Variants in RALGDS observed in about 807,000 individuals in gnomAD.
The protein encoded by RALGDS is ral guanine nucleotide dissociation stimulator.
RALGDS carries 44 observed loss-of-function variants against 99.8 expected under a neutral mutation model. The ratio of observed to expected loss-of-function variants is 0.44; its 90% CI spans 0.35 to 0.57. The LOEUF (loss-of-function observed/expected upper bound fraction) is 0.57, where lower values mean the gene tolerates loss of function less well. RALGDS is among the 20% of genes least tolerant of loss of function. The pLI is 0.01. For synonymous variants in RALGDS, 529 were observed against 505.0 expected (o/e 1.05, Z -0.64); for missense variants, 1,022 against 1,203.1 (o/e 0.85, Z 2.23).
chr9:133,102,758 C>T (rs1225772325), intron 13 of RALGDS, 21 bp downstream of exon 13: 1 of 1,608,966 alleles, frequency 6.2e-7, no homozygotes, highest in Non-Finnish European at 8.5e-7. Context: ...CCACTGTCCC[C>T]ATTTGCTGCC....
chr9:133,131,241 C>T, upstream of RALGDS: 1 of 798,124 alleles, frequency 1.3e-6, no homozygotes, highest in Non-Finnish European at 1.5e-6. Flanking sequence ...CTCTGCCACC[C>T]TCAGGGTGGA....
intron 1 of RALGDS, among the ~76,000 whole-genome samples, chr9:133,145,251 C>T (rs1832602689): frequency 6.6e-6 from 1 of 152,198 alleles, no homozygotes; most frequent in Non-Finnish European, 1.5e-5. Flanking sequence ...TCTGTGCCAT[C>T]ACCACACCTC....
At chr9:133,133,952 G>A (rs1007361587), upstream of RALGDS, among the ~76,000 whole-genome samples, 4 of 152,184 alleles carry the variant, frequency 2.6e-5, no homozygotes, top group Non-Finnish European at 4.4e-5. Flanking sequence ...CTGTTTACTC[G>A]GCACCACATC....
intron 1 of RALGDS, among the ~76,000 whole-genome samples, chr9:133,120,429 C>CCCA (rs1831866770): frequency 1.5e-5 from 1 of 65,758 alleles, no homozygotes; most frequent in Non-Finnish European, 3.6e-5. Flanking sequence ...CATCCCCCGA[C>CCCA]CCCCCCCCCA....
At chr9:133,143,768 TAATAAC>T (rs1370857969) in intron 1 of RALGDS, among the ~76,000 whole-genome samples, 22 of 102,444 alleles carry the variant, frequency 2.1e-4, no homozygotes, top group African/African-American at 1.2e-3. Flanking sequence ...ATAATAATAA[TAATAAC>T]AACAACAACA....
chr9:133,111,376 G>C (rs1474178170), intron 2 of RALGDS, among the ~76,000 whole-genome samples: 3 of 152,136 alleles, frequency 2.0e-5, no homozygotes, highest in Non-Finnish European at 4.4e-5. Flanking sequence ...AGCCTCCTGG[G>C]CTGAAGCAAT....
chr9:133,121,252 G>A (rs1415409053), upstream of RALGDS: 5 of 984,212 alleles, frequency 5.1e-6, no homozygotes, highest in Admixed American at 6.2e-5. Context: ...TGAGCCCGCG[G>A]CCCGGCCCTG....
At chr9:133,115,162 G>A (rs1014246682) in intron 1 of RALGDS, among the ~76,000 whole-genome samples, 8 of 152,260 alleles carry the variant, frequency 5.3e-5, no homozygotes, top group Non-Finnish European at 7.4e-5. Context: ...CCATCTCCCC[G>A]CTCAGGCCAA....
intron 1 of RALGDS, among the ~76,000 whole-genome samples, chr9:133,136,193 T>C (rs1413856172): frequency 1.3e-5 from 2 of 152,144 alleles, no homozygotes; most frequent in African/African-American, 4.8e-5. Context: ...ATAAGTAAAA[T>C]GCATTTTTGA....
At chr9:133,131,565 CCT>C (rs1832334773), upstream of RALGDS, among the ~76,000 whole-genome samples, 1 of 152,090 alleles carries the variant, frequency 6.6e-6, no homozygotes, top group Non-Finnish European at 1.5e-5. Flanking sequence ...CTCCAACACC[CCT>C]GTCTTAATGC....
rs368539970 is a variant in RALGDS, at chr9:133,110,436, C to T, written c.348G>A (p.Val116=). ...CCAGCTTCTCCAGCGTGCCAGCCTT[C>T]ACGGTCCGCACCTTGCAAGTCTCAT... The part of the protein sequence containing the change: ...NLYETCKVRT[V]KAGTLEKLVE... The change falls in exon 3 of 18, where the codon GTG becomes GTA. Residue 116 remains valine, a synonymous_variant. Transcript: ENST00000372050. 1.2e-5 allele frequency: 19 copies of T among 1,613,554 alleles called. No individual in the cohort carries two copies. In the African/African-American group the frequency reaches 2.0e-4, roughly 17 times the overall value.
rs138800723 is a variant in RALGDS, at chr9:133,113,724, C to T, written c.184-1572G>A. Among the ~76,000 whole-genome samples, 587 of 152,342 alleles carry T rather than the reference C, an allele frequency of 3.9e-3. 6 individuals carry two copies. The highest frequency in any genetic ancestry group is 0.014 in the African/African-American group (572 of 41,574). On this transcript the variant is annotated intron_variant, in intron 1 of 17. Coordinates refer to ENST00000372050, the MANE Select transcript of RALGDS (RefSeq NM_006266.4). ...ACAGCGACCAGGGCCCCCAACCACC[C>T]GGGCCTCCTCAGGGGTCCCAGACTG...
At position 133,101,673 on chromosome 9, in the gene RALGDS, C is replaced by G. The variant is rs375145110; in HGVS notation, c.2301G>C (p.Thr767=). Residue 767 remains threonine (T), a synonymous_variant, in exon 16 of 18, where the codon ACG becomes ACC. Transcript: ENST00000372050. ...TGTGGGTGCGTGTGGCAGCCACGGGCGTGGTGGAGGCTGAGGAGGACGAGG... is the reference window on the plus strand; with the variant it reads ...TGTGGGTGCGTGTGGCAGCCACGGGGGTGGTGGAGGCTGAGGAGGACGAGG... ...SSTSSSSAST[T]PVAATRTHKR... 3 of 1,613,892 alleles carry G rather than the reference C, an allele frequency of 1.9e-6. No homozygotes were observed. The highest frequency in any genetic ancestry group is 2.5e-6 in the Non-Finnish European group (3 of 1,179,998).
At chr9:133,124,255 GAC>G (rs1392349740), upstream of RALGDS, among the ~76,000 whole-genome samples, 1 of 151,432 alleles carries the variant, frequency 6.6e-6, no homozygotes, top group Non-Finnish European at 1.5e-5. Flanking sequence ...CAGACACAGA[GAC>G]ACAGACGCAC....
chr9:133,105,808 CACCG>C (rs1830990912), intron 9 of RALGDS, 120 bp downstream of exon 9: 1 of 609,936 alleles, frequency 1.6e-6, no homozygotes, highest in African/African-American at 2.2e-5. Flanking sequence ...AAGCGAATGC[CACCG>C]CCCGCCGCCC....
chr9:133,132,357 G>A (rs117266072), upstream of RALGDS, among the ~76,000 whole-genome samples: 279 of 152,216 alleles, frequency 1.8e-3, 1 homozygote, highest in African/African-American at 6.4e-3. Flanking sequence ...CCCCAGCCTC[G>A]GCCTCTCACC....
upstream of RALGDS, among the ~76,000 whole-genome samples, chr9:133,134,669 G>A (rs76716166): frequency 0.043 from 6,599 of 152,262 alleles, 483 homozygotes; most frequent in African/African-American, 0.15. Flanking sequence ...TCCCTGGGGT[G>A]GGTGGTCTGT....
In RALGDS at chr9:133,107,277, G is replaced by A. The variant is rs1353765427; in HGVS notation, c.1221C>T (p.Pro407=). 1.2e-6 allele frequency: 2 copies of A among 1,613,572 alleles called. No homozygotes were observed. Among genetic ancestry groups the A allele is most frequent in the African/African-American group, 1.3e-5 (1 of 74,948 alleles). Residue 407 remains proline, a synonymous_variant, in exon 7 of 18, where the codon CCC becomes CCT. Coordinates refer to ENST00000372050, the MANE Select transcript of RALGDS (RefSeq NM_006266.4). ...MDAELFKKVV[P]YHCLGSIWSQ... is the part of the protein sequence containing the mutation. ...ACCAGATGGAGCCCAGGCAGTGGTAGGGCACCACCTTCTTGAACAGTTCCT... is the reference window on the plus strand; with the variant it reads ...ACCAGATGGAGCCCAGGCAGTGGTAAGGCACCACCTTCTTGAACAGTTCCT...
intron 16 of RALGDS, chr9:133,101,146 G>T: frequency 8.6e-7 from 1 of 1,157,094 alleles, no homozygotes; most frequent in Non-Finnish European, 1.1e-6. Context: ...ACACCCCTGC[G>T]GCTCTGGTAC....
Sources: gnomAD v4.1 joint callset for allele counts (sites outside exome capture counted in the v4.1 genomes callset) on GRCh38, gnomAD v4.1.1 for gene constraint, MANE v1.5 for transcripts, NCBI Gene and HGNC (gene_info 2026-07-23, HGNC 2026-07-21) for gene names.